MPP2: variants seen among roughly 807,000 people sequenced by gnomAD.
The protein encoded by MPP2 is MAGUK p55 scaffold protein 2.
Under a neutral mutation model 58.5 loss-of-function variants are expected in MPP2, and 42 were observed. The observed-to-expected ratio is 0.72, with a 90% CI of 0.56 to 0.93. MPP2 has a LOEUF of 0.93. Ranked by LOEUF, MPP2 falls within the 40% of genes least tolerant of loss-of-function variation. The probability of loss-of-function intolerance (pLI) is 0.00; values close to 1 mark genes in which losing one functional copy is unlikely to be tolerated. For missense variants in MPP2, 632 were observed against 760.4 expected (o/e 0.83, Z 1.99); for synonymous variants, 300 against 307.8 (o/e 0.97, Z 0.26).
intron 6 of MPP2, 70 bp downstream of exon 6, chr17:43,882,214 T>C (rs112206391): frequency 0.01 from 14,255 of 1,418,140 alleles, 398 homozygotes; most frequent in African/African-American, 0.098. Context: ...AGGGCCTCCG[T>C]GAGACCTGCA....
rs142594755 is a variant in MPP2 at position 43,898,314 on chromosome 17, A to C, written c.98T>G (p.Leu33Arg). The change falls in exon 3 of 13, where the codon CTG becomes CGG. Residue 33 changes from leucine to arginine, a missense_variant. Coordinates refer to ENST00000269095, the MANE Select transcript of MPP2 (RefSeq NM_005374.5). ...TTCCATAATGCCTCGAAGGAAGATC[A>C]GGTCCAGCTCTGCAGCCCCCGTGGC... ...PSATGAAELD[L>R]IFLRGIMESP... 1.7e-5 allele frequency: 27 copies of C among 1,614,236 alleles called. No homozygotes were observed. The African/African-American group carries it at 2.5e-4, about 15-fold the overall frequency.
rs554797005 is a variant in MPP2 at position 43,900,579 on chromosome 17, G to A, written c.32-2199C>T. On this transcript the variant is annotated intron_variant, in intron 2 of 12. Transcript: ENST00000269095. ...GCGGCCCCCAGACCCGGGGACTCCC[G>A]GAGCGTCCTACACGCCGCCGTCTAC... 4.6e-6 allele frequency: 7 copies of A among 1,532,906 alleles called. No individual in the cohort carries two copies. The African/African-American group carries it at 9.6e-5, about 21-fold the overall frequency. The allele number at this position is 1,532,906 out of a possible 1,614,324, so 95.0% of individuals were successfully genotyped here. A position where few individuals can be genotyped will look rare whatever the true frequency, so the allele number is the denominator to read the frequency against.
At chr17:43,901,367 A>C in intron 2 of MPP2, 5 of 985,496 alleles carry the variant, frequency 5.1e-6, no homozygotes, top group Non-Finnish European at 6.0e-6. Flanking sequence ...CCAGGAAGCA[A>C]GTCAGGCATC....
intron 2 of MPP2, among the ~76,000 whole-genome samples, chr17:43,903,769 C>A (rs1485815848): frequency 1.3e-5 from 2 of 152,290 alleles, no homozygotes; most frequent in East Asian, 3.9e-4. Context: ...ATGTGCTCTC[C>A]CATTACAGCC....
At position 43,883,204 on chromosome 17, in the gene MPP2, T is replaced by A; in HGVS notation, c.302A>T (p.Gln101Leu). ...ACCCCAGCCCTAGCAGCCAGGAACC[T>A]GGAAGTGGGGCTCCTGGAGGATGTG... ...LAHILQEPHF[Q>L]SLLETHDSVA... The change falls in exon 4 of 13, where the codon CAG becomes CTG. Residue 101 changes from glutamine to leucine, a missense_variant and splice_region_variant. Gln to Leu is a moderately radical substitution (Grantham distance 113, BLOSUM62 -2). Coordinates refer to ENST00000269095, the MANE Select transcript of MPP2 (RefSeq NM_005374.5). 6.2e-7 allele frequency: 1 copy of A among 1,602,558 alleles called. No homozygotes were observed. Among genetic ancestry groups the A allele is most frequent in the Non-Finnish European group, 8.5e-7 (1 of 1,173,666 alleles).
chr17:43,883,807 C>G (rs2047250818), intron 3 of MPP2, among the ~76,000 whole-genome samples: 1 of 152,126 alleles, frequency 6.6e-6, no homozygotes, highest in Non-Finnish European at 1.5e-5. Flanking sequence ...CGTCTCCAGG[C>G]CCTCAACTCA....
intron 3 of MPP2, among the ~76,000 whole-genome samples, chr17:43,890,134 AG>A (rs2047545191): frequency 6.6e-6 from 1 of 152,132 alleles, no homozygotes. Context: ...ACATAAAAAA[AG>A]GGGGGAATCA....
At chr17:43,886,025 T>C (rs1208726316) in intron 3 of MPP2, among the ~76,000 whole-genome samples, 2 of 151,702 alleles carry the variant, frequency 1.3e-5, no homozygotes, top group African/African-American at 4.8e-5. Flanking sequence ...TGAGAATCAC[T>C]TGGACCCGGG....
At chr17:43,882,863 A>ACC (rs1243796573) in intron 5 of MPP2, 40 bp downstream of exon 5, 2 of 1,611,168 alleles carry the variant, frequency 1.2e-6, no homozygotes, top group South Asian at 2.2e-5. Context: ...CAATCCCCCC[A>ACC]CCCTCACCAG....
Position 43,883,019 on chromosome 17 carries a change from T to G in MPP2, c.337A>C (p.Lys113Gln). Residue 113 changes from lysine to glutamine, a missense_variant, in exon 5 of 13, where the codon AAG (lysine) becomes CAG (glutamine). Lys to Gln is a moderately conservative substitution (Grantham distance 53). Coordinates refer to ENST00000269095, the MANE Select transcript of MPP2 (RefSeq NM_005374.5). Reference sequence around the variant, plus strand: ...CTGGGGGGTGGTGTCTCATAGGTCTTTGAGGCCACAGAGTCGTGCGTCTCC... The same window carrying G: ...CTGGGGGGTGGTGTCTCATAGGTCTGTGAGGCCACAGAGTCGTGCGTCTCC... ...LLETHDSVAS[K>Q]TYETPPPSPG... The G allele has an allele frequency of 6.2e-7, 1 of 1,613,892 alleles. No homozygotes were observed. Among genetic ancestry groups the G allele is most frequent in the Non-Finnish European group, 8.5e-7 (1 of 1,179,918 alleles).
At chr17:43,878,365 C>T (rs2046941429) in intron 12 of MPP2, among the ~76,000 whole-genome samples, 1 of 152,162 alleles carries the variant, frequency 6.6e-6, no homozygotes, top group Non-Finnish European at 1.5e-5. Flanking sequence ...GCCAGTGCTC[C>T]CTCAAGTCTG....
In MPP2 at chr17:43,879,398, C is replaced by T. The variant is rs765285646; in HGVS notation, c.1359G>A (p.Val453=). Residue 453 remains valine, a synonymous_variant, in exon 12 of 13, where the codon GTG becomes GTA. Coordinates refer to ENST00000269095, the MANE Select transcript of MPP2 (RefSeq NM_005374.5). This position sits in a 1 kb window ranked among gnomAD's most constrained non-coding sequence, Gnocchi z 4.1. ...CAAACTCGGCCGTTCGTAGCACCTT[C>T]ACCGCCTGCAGAAGGAGAAGGCAAG... ...VCVLDVNPQA[V]KVLRTAEFVP... is the part of the protein sequence containing the mutation. The T allele has an allele frequency of 1.9e-6, 3 of 1,614,114 alleles. No homozygotes were observed. The highest frequency in any genetic ancestry group is 1.1e-5 in the South Asian group (1 of 91,076).
At chr17:43,889,804 C>CTTTTTTT (rs2047522956) in intron 3 of MPP2, among the ~76,000 whole-genome samples, 1 of 93,612 alleles carries the variant, frequency 1.1e-5, no homozygotes, top group African/African-American at 5.3e-5. Flanking sequence ...TGTCCAAATG[C>CTTTTTTT]GTTTTTTTTT....
In MPP2 at chr17:43,882,141, G is replaced by A. The variant is rs2047157790; in HGVS notation, c.681+143C>T. ...CGGCAGAGGCCTGTCGGCGGCTGCG[G>A]TCAGCTGCCCCTGGGCTGCAGGTCC... On this transcript the variant is annotated intron_variant, in intron 6 of 12. Coordinates refer to ENST00000269095, the MANE Select transcript of MPP2 (RefSeq NM_005374.5). 8 of 771,100 alleles carry A rather than the reference G, an allele frequency of 1.0e-5. No individual in the cohort carries two copies. In the Admixed American group the frequency reaches 1.5e-4, roughly 15 times the overall value. 47.8% of individuals were successfully genotyped at this position (771,100 alleles called of 1,614,324 possible). A position where few individuals can be genotyped will look rare whatever the true frequency, so the allele number is the denominator to read the frequency against.
rs752282662 is a variant in MPP2, at chr17:43,882,373, G to A, written c.592C>T (p.Arg198Cys). The change falls in exon 6 of 13, where the codon CGC (arginine) becomes TGC (cysteine). Residue 198 changes from arginine to cysteine, a missense_variant. Physicochemically the swap from Arg to Cys is radical, Grantham distance 180. Coordinates refer to ENST00000269095, the MANE Select transcript of MPP2 (RefSeq NM_005374.5). ...VNGQPVGSDP[R>C]ALQELLRNAS... ...TTGCGCAGGAGCTCCTGCAGTGCGC[G>A]GGGGTCACTGCCCACTGGCTGCCCG... 2.9e-5 allele frequency: 47 copies of A among 1,612,036 alleles called. No individual in the cohort carries two copies. Among genetic ancestry groups the A allele is most frequent in the Middle Eastern group, 1.6e-4 (1 of 6,082 alleles).
intron 3 of MPP2, among the ~76,000 whole-genome samples, chr17:43,889,150 T>G (rs1459499789): frequency 6.6e-6 from 1 of 152,046 alleles, no homozygotes; most frequent in African/African-American, 2.4e-5. Context: ...AGTCACAAAC[T>G]CCTGAGCTCA....
chr17:43,908,393 G>A (rs887937799), upstream of MPP2, among the ~76,000 whole-genome samples: 1 of 152,220 alleles, frequency 6.6e-6, no homozygotes, highest in Non-Finnish European at 1.5e-5. Context: ...AACAAAATGT[G>A]AGAGTCATCC....
rs992793025 is a variant in MPP2 at position 43,887,643 on chromosome 17, A to G, written c.151-4288T>C. On this transcript the variant is annotated intron_variant, in intron 3 of 12. Transcript: ENST00000269095. ...ATGACTATCCAGATGTTCCAATACC[A>G]TTTATTAAAAATTCATGGCAGGGCA... 5.9e-5 allele frequency among the ~76,000 whole-genome samples: 9 copies of G among 151,980 alleles called. 1 individual carries two copies. Among genetic ancestry groups the G allele is most frequent in the Non-Finnish European group, 1.2e-4 (8 of 68,014 alleles).
Position 43,879,201 on chromosome 17 carries a change from T to C in MPP2, c.1482+74A>G. On this transcript the variant is annotated intron_variant, in intron 12 of 12. Transcript: ENST00000269095. The surrounding 1 kb of genome is among the most constrained non-coding windows in gnomAD (Gnocchi z 4.1). Reference sequence around the variant, plus strand: ...CCCTCCCCAACACCACCTCCTTCTCTCTGTCAGCTCAGGCCTGTCCCCCAC... The same window carrying C: ...CCCTCCCCAACACCACCTCCTTCTCCCTGTCAGCTCAGGCCTGTCCCCCAC... The C allele has an allele frequency of 6.5e-7, 1 of 1,528,742 alleles. No homozygotes were observed. Among genetic ancestry groups the C allele is most frequent in the Non-Finnish European group, 8.9e-7 (1 of 1,128,536 alleles). The allele number at this position is 1,528,742 out of a possible 1,614,324, so 94.7% of individuals were successfully genotyped here.
Sources: allele counts gnomAD v4.1 joint callset (sites outside exome capture counted in the v4.1 genomes callset), GRCh38; gene constraint gnomAD v4.1.1; non-coding constraint Gnocchi (gnomAD v3.1); transcripts MANE v1.5; gene names NCBI Gene and HGNC (gene_info 2026-07-23, HGNC 2026-07-21).